PSMD1: variants seen among roughly 807,000 people sequenced by gnomAD.
PSMD1 encodes the protein proteasome 26S subunit, non-ATPase 1.
PSMD1 carries 18 observed loss-of-function variants against 119.0 expected under a neutral mutation model. That is an observed-to-expected ratio of 0.15 (90% CI 0.10 to 0.22). The LOEUF (loss-of-function observed/expected upper bound fraction) is 0.22. PSMD1 is among the 10% of genes least tolerant of loss of function. The probability of loss-of-function intolerance (pLI) is 1.00; values close to 1 mark genes in which losing one functional copy is unlikely to be tolerated. For synonymous variants in PSMD1, 374 were observed against 396.6 expected (o/e 0.94, Z 0.68); for missense variants, 702 against 1,158.5 (o/e 0.61, Z 5.72).
Position 231,115,814 on chromosome 2 carries a change from C to T in PSMD1, c.1884-22922C>T, listed in dbSNP as rs576007086. Reference sequence around the variant, plus strand: ...TGCTCTTAAGATGGAGAGTGAGGATCGGCATCACCTGGGTACTTAGATATG... The same window carrying T: ...TGCTCTTAAGATGGAGAGTGAGGATTGGCATCACCTGGGTACTTAGATATG... On this transcript the variant is annotated intron_variant, in intron 16 of 24. Coordinates refer to ENST00000308696, the MANE Select transcript of PSMD1 (RefSeq NM_002807.4). Among the ~76,000 whole-genome samples the T allele has an allele frequency of 3.3e-5, 5 of 152,238 alleles. No individual in the cohort carries two copies. The South Asian group carries it at 8.3e-4, about 25-fold the overall frequency.
chr2:231,110,709 C>T (rs868268239), intron 16 of PSMD1, among the ~76,000 whole-genome samples: 3 of 152,234 alleles, frequency 2.0e-5, no homozygotes, highest in Non-Finnish European at 4.4e-5. Flanking sequence ...TTGTTCTACA[C>T]CAGGGGTCAT....
chr2:231,164,493 C>T (rs1696711228), intron 21 of PSMD1, among the ~76,000 whole-genome samples: 2 of 151,872 alleles, frequency 1.3e-5, no homozygotes, highest in African/African-American at 4.8e-5. Context: ...TCATAATTTT[C>T]ATATTGGCCA....
intron 16 of PSMD1, chr2:231,108,835 A>G (rs778520272): frequency 6.2e-7 from 1 of 1,614,114 alleles, no homozygotes; most frequent in Non-Finnish European, 8.5e-7. Flanking sequence ...AGACCAAAGG[A>G]TTCACTCCTG....
At position 231,077,046 on chromosome 2, in the gene PSMD1, A is replaced by G; in HGVS notation, c.955A>G (p.Lys319Glu). The change falls in exon 9 of 25, where the codon AAG becomes GAG. Residue 319 changes from lysine (K) to glutamate (E), a missense_variant. Lys to Glu is a moderately conservative substitution (Grantham distance 56). Transcript: ENST00000308696. ...TTTGTTTTGGCAGAGTCCAGAGCCT[A>G]AGGACCAGACTTTGAAAATGATTAA... The part of the protein sequence containing the change: ...GKTPEASPEP[K>E]DQTLKMIKIL... 2 of 1,602,140 alleles carry G rather than the reference A, an allele frequency of 1.2e-6. No individual in the cohort carries two copies. Among genetic ancestry groups the G allele is most frequent in the African/African-American group, 1.3e-5 (1 of 74,172 alleles).
At chr2:231,144,032 C>T (rs887708921) in intron 17 of PSMD1, among the ~76,000 whole-genome samples, 2 of 152,002 alleles carry the variant, frequency 1.3e-5, no homozygotes, top group Admixed American at 1.3e-4. Context: ...AAAATTAGGT[C>T]TTATAAAATC....
intron 17 of PSMD1, among the ~76,000 whole-genome samples, chr2:231,139,302 CTTT>C (rs1696046252): frequency 1.5e-5 from 2 of 131,610 alleles, no homozygotes; most frequent in Admixed American, 1.5e-4. Flanking sequence ...CCGCACCAGG[CTTT>C]TTTTCTTTCT....
intron 9 of PSMD1, 46 bp downstream of exon 9, chr2:231,077,208 C>A (rs754429461): frequency 8.0e-7 from 1 of 1,256,882 alleles, no homozygotes; most frequent in East Asian, 2.9e-5. Flanking sequence ...ATATTTAGTT[C>A]TTTGTTGCAT....
rs1425479673 is a variant in PSMD1 at position 231,123,882 on chromosome 2, T to G, written c.1884-14854T>G. ...CATGCCAAACACTCAAAAGCCAAAG[T>G]TGACACCTTCCTTTAAAAAAAAAAA... is the stretch of plus-strand genomic sequence containing the variant. On this transcript the variant is annotated intron_variant, in intron 16 of 24. Coordinates refer to ENST00000308696, the MANE Select transcript of PSMD1 (RefSeq NM_002807.4). The G allele has an allele frequency of 1.2e-5, 10 of 805,698 alleles. No individual in the cohort carries two copies. In the African/African-American group the frequency reaches 1.4e-4, roughly 11 times the overall value. The allele number at this position is 805,698 out of a possible 1,614,324, so 49.9% of individuals were successfully genotyped here. A position where few individuals can be genotyped will look rare whatever the true frequency, so the allele number is the denominator to read the frequency against.
chr2:231,080,639 G>T (rs1694287283), intron 12 of PSMD1, among the ~76,000 whole-genome samples: 2 of 152,154 alleles, frequency 1.3e-5, no homozygotes, highest in South Asian at 2.1e-4. Flanking sequence ...TAAAGAAGTT[G>T]CAGTCTCTCA....
At chr2:231,165,398 T>C in intron 22 of PSMD1, 112 bp downstream of exon 22, 1 of 1,256,392 alleles carries the variant, frequency 8.0e-7, no homozygotes, top group Non-Finnish European at 1.0e-6. Context: ...CTTCAAACAA[T>C]TATCCTGTTG....
chr2:231,099,146 C>T (rs538903033), intron 16 of PSMD1, among the ~76,000 whole-genome samples: 4 of 152,250 alleles, frequency 2.6e-5, no homozygotes, highest in African/African-American at 9.6e-5. Flanking sequence ...ATTGGGGACA[C>T]TGAACGGGGT....
At chr2:231,157,430 C>CTTTTTTTTTTTT (rs756874279) in intron 19 of PSMD1, among the ~76,000 whole-genome samples, 2 of 128,882 alleles carry the variant, frequency 1.6e-5, no homozygotes, top group Admixed American at 7.6e-5. Flanking sequence ...TTTTCTTTTT[C>CTTTTTTTTTTTT]TTTTTTTTTT....
At chr2:231,131,808 A>G (rs544489682) in intron 16 of PSMD1, among the ~76,000 whole-genome samples, 34 of 150,426 alleles carry the variant, frequency 2.3e-4, no homozygotes, top group African/African-American at 8.2e-4. Context: ...TTGCCCTTTT[A>G]GAGTTGCCTG....
intron 18 of PSMD1, among the ~76,000 whole-genome samples, chr2:231,152,980 C>A (rs533313173): frequency 2.6e-5 from 4 of 151,962 alleles, no homozygotes; most frequent in African/African-American, 9.6e-5. Context: ...ACCAGTAATC[C>A]CACCTTAAGT....
intron 16 of PSMD1, among the ~76,000 whole-genome samples, chr2:231,114,811 A>G (rs185839077): frequency 4.7e-4 from 71 of 152,322 alleles, no homozygotes; most frequent in African/African-American, 1.6e-3. Flanking sequence ...ACATATGTGA[A>G]TTTAATATAT....
intron 16 of PSMD1, among the ~76,000 whole-genome samples, chr2:231,088,476 C>T (rs911478036): frequency 1.3e-5 from 2 of 152,196 alleles, no homozygotes; most frequent in Admixed American, 6.5e-5. Context: ...GTGCTCATTT[C>T]ATTTCTCTGT....
At chr2:231,078,791 C>CTTTTTTTTTTTTTTTT (rs748353083) in intron 10 of PSMD1, 44 bp downstream of exon 10, 34 of 342,874 alleles carry the variant, frequency 9.9e-5, no homozygotes, top group East Asian at 2.7e-4. Flanking sequence ...AAATCTTTTT[C>CTTTTTTTTTTTTTTTT]TTTTTTTTTT....
chr2:231,142,417 C>T (rs930502454), intron 17 of PSMD1, among the ~76,000 whole-genome samples: 4 of 152,086 alleles, frequency 2.6e-5, no homozygotes, highest in African/African-American at 9.7e-5. Context: ...ACATTTATGT[C>T]AGGCCTCATA....
At position 231,072,269 on chromosome 2, in the gene PSMD1, A is replaced by C. The variant is rs147551981; in HGVS notation, c.735A>C (p.Ala245=). 1 of 1,613,940 alleles carries C rather than the reference A, an allele frequency of 6.2e-7. No homozygotes were observed. ...TAAAGGAAGACAACCTCCTGATGGC[A>C]TATCAGATTTGTTTTGATTTGTATG... The part of the protein sequence containing the change: ...KLVKEDNLLM[A]YQICFDLYES... The change falls in exon 7 of 25, where the codon GCA becomes GCC. Residue 245 remains alanine, a synonymous_variant. Coordinates refer to ENST00000308696, the MANE Select transcript of PSMD1 (RefSeq NM_002807.4).
Sources: allele counts gnomAD v4.1 joint callset (sites outside exome capture counted in the v4.1 genomes callset), GRCh38; gene constraint gnomAD v4.1.1; transcripts MANE v1.5; gene names NCBI Gene and HGNC (gene_info 2026-07-23, HGNC 2026-07-21).